Variants in ATP11B observed in about 807,000 individuals in gnomAD.
The protein encoded by ATP11B is ATPase phospholipid transporting 11B (putative), also known as phospholipid-transporting ATPase IF.
ATP11B carries 81 observed loss-of-function variants against 157.8 expected under a neutral mutation model. That is an observed-to-expected ratio of 0.51 (90% confidence interval 0.43 to 0.62). The LOEUF (loss-of-function observed/expected upper bound fraction) is 0.62, where lower values mean the gene tolerates loss of function less well. Ranked by LOEUF, ATP11B falls within the 20% of genes least tolerant of loss-of-function variation. ATP11B has a pLI of 0.00. For synonymous variants in ATP11B, 451 were observed against 469.4 expected, an observed-to-expected ratio of 0.96 and a Z score of 0.51; for missense variants, 1,165 against 1,402.2, an observed-to-expected ratio of 0.83 and a Z score of 2.70.
intron 21 of ATP11B, among the ~76,000 whole-genome samples, chr3:182,882,590 A>G (rs1003689683): frequency 1.3e-5 from 2 of 152,144 alleles, no homozygotes; most frequent in African/African-American, 4.8e-5. Context: ...GTAACTTATA[A>G]AGACCCTAAA....
rs935046000 is a variant in ATP11B, at chr3:182,837,191, A to T, written c.656+17A>T. On this transcript the variant is annotated intron_variant, in intron 7 of 29. Coordinates refer to ENST00000323116, the MANE Select transcript of ATP11B (RefSeq NM_014616.3). Reference sequence around the variant, plus strand: ...CTTATACAGGTATGGTGTGATATTCAGTATACTTATTTTAAGTCCTATTTA... The same window carrying T: ...CTTATACAGGTATGGTGTGATATTCTGTATACTTATTTTAAGTCCTATTTA... The T allele has an allele frequency of 2.9e-5, 44 of 1,523,168 alleles. No homozygotes were observed. The highest frequency in any genetic ancestry group is 3.9e-5 in the Non-Finnish European group (43 of 1,106,022). The allele number at this position is 1,523,168 out of a possible 1,614,324, so 94.4% of individuals were successfully genotyped here.
chr3:182,916,511 T>C lies in ATP11B; in HGVS notation c.3453-1512T>C, dbSNP rs912489077. ...TGCAAGCTCAGTTTCAAAGAGAGCA[T>C]CATGGTGCTATATAAAGAATATGCC... On this transcript the variant is annotated intron_variant, in intron 29 of 29. Coordinates refer to ENST00000323116, the MANE Select transcript of ATP11B (RefSeq NM_014616.3). The C allele has an allele frequency of 3.0e-5, 30 of 985,222 alleles. No individual in the cohort carries two copies. The African/African-American group carries it at 3.5e-4, about 11-fold the overall frequency. 61.0% of individuals were successfully genotyped at this position (985,222 alleles called of 1,614,324 possible). A position where few individuals can be genotyped will look rare whatever the true frequency, so the allele number is the denominator to read the frequency against.
intron 21 of ATP11B, among the ~76,000 whole-genome samples, 190 bp downstream of exon 21, chr3:182,881,171 C>T (rs1034290455): frequency 6.6e-6 from 1 of 152,182 alleles, no homozygotes; most frequent in African/African-American, 2.4e-5. Flanking sequence ...CGTGGTGGCT[C>T]ACGCCTGTAA....
At chr3:182,839,345 A>G (rs1255129661) in intron 7 of ATP11B, among the ~76,000 whole-genome samples, 1 of 152,166 alleles carries the variant, frequency 6.6e-6, no homozygotes, top group East Asian at 1.9e-4. Context: ...TTAGTACCTG[A>G]GTGACAAAAT....
rs1302173064 is a variant in ATP11B at position 182,842,002 on chromosome 3, G to C, written c.657-73G>C. ...CAAAAAAAAAAAAAAAAAAAACAAAGGATGGTGCAAAAAAACAGCCATTGA... is the reference window on the plus strand; with the variant it reads ...CAAAAAAAAAAAAAAAAAAAACAAACGATGGTGCAAAAAAACAGCCATTGA... On this transcript the variant is annotated intron_variant, in intron 7 of 29. Transcript: ENST00000323116. 3 of 691,218 alleles carry C rather than the reference G, an allele frequency of 4.3e-6. No homozygotes were observed. In the South Asian group the frequency reaches 6.6e-5, roughly 15 times the overall value. The allele number at this position is 691,218 out of a possible 1,614,324, so 42.8% of individuals were successfully genotyped here. A position where few individuals can be genotyped will look rare whatever the true frequency, so the allele number is the denominator to read the frequency against.
intron 29 of ATP11B, chr3:182,917,466 G>A (rs753157440): frequency 8.8e-5 from 87 of 985,212 alleles, no homozygotes; most frequent in Non-Finnish European, 1.0e-4. Context: ...GTAGAGGATC[G>A]TTTGTCCTTA....
chr3:182,917,813 T>C (rs2108601018), intron 29 of ATP11B: 2 of 983,852 alleles, frequency 2.0e-6, no homozygotes, highest in African/African-American at 1.7e-5. Flanking sequence ...CTAATATTTT[T>C]ATATGATGAC....
At chr3:182,872,302 C>T in intron 17 of ATP11B, 54 bp from the exon 18 acceptor site, 1 of 1,295,238 alleles carries the variant, frequency 7.7e-7, no homozygotes, top group Non-Finnish European at 1.1e-6. Context: ...TCTTGATTTT[C>T]TGTTTGTTGT....
rs112781753 is a variant in ATP11B at position 182,845,618 on chromosome 3, T to G, written c.769+96T>G. On this transcript the variant is annotated intron_variant, in intron 9 of 29. Transcript: ENST00000323116. ...ACAATGTGGTCTTTTGGTTAGATAA[T>G]TTATTAATTATTTGTCATTTATGAT... The G allele has an allele frequency of 3.2e-3, 2,316 of 734,156 alleles. 41 individuals are homozygous for G. In the African/African-American group the frequency reaches 0.037, roughly 12 times the overall value. The allele number at this position is 734,156 out of a possible 1,614,324, so 45.5% of individuals were successfully genotyped here.
At chr3:182,838,798 TATAC>T (rs1387784115) in intron 7 of ATP11B, among the ~76,000 whole-genome samples, 13 of 140,554 alleles carry the variant, frequency 9.2e-5, no homozygotes, top group African/African-American at 3.3e-4. Context: ...TATATATATA[TATAC>T]ACACACATAT....
intron 24 of ATP11B, 85 bp downstream of exon 24, chr3:182,887,798 C>A: frequency 7.3e-7 from 1 of 1,373,194 alleles, no homozygotes; most frequent in Non-Finnish European, 9.9e-7. Context: ...GTGATTAATG[C>A]TTTACTAAGG....
rs971410713 is a variant in ATP11B at position 182,793,547 on chromosome 3, C to G, written c.-213C>G. On this transcript the variant is annotated 5_prime_UTR_variant, in exon 1 of 30. Transcript: ENST00000323116. The stretch of plus-strand genomic sequence containing the variant: ...GGCGCGGCGGCAGGCTCAGCTGCGC[C>G]GGGCGGGGGCGGCGCCGGGGCCGCG... The G allele has an allele frequency of 5.6e-6, 2 of 358,918 alleles. No individual in the cohort carries two copies. The highest frequency in any genetic ancestry group is 1.3e-4 in the South Asian group (1 of 7,574). 22.2% of individuals were successfully genotyped at this position (358,918 alleles called of 1,614,324 possible). A position where few individuals can be genotyped will look rare whatever the true frequency, so the allele number is the denominator to read the frequency against.
At chr3:182,813,761 T>G (rs58290636) in intron 1 of ATP11B, among the ~76,000 whole-genome samples, 10,561 of 152,214 alleles carry the variant, frequency 0.069, 1,253 homozygotes, top group African/African-American at 0.24. Flanking sequence ...AGGGTCTTAC[T>G]CTGTTGCCCA....
rs765268658 is a variant in ATP11B, at chr3:182,873,956, A to G, written c.2193A>G (p.Glu731=). 1 of 1,614,132 alleles carries G rather than the reference A, an allele frequency of 6.2e-7. No individual in the cohort carries two copies. The highest frequency in any genetic ancestry group is 1.1e-5 in the South Asian group (1 of 91,086). The change falls in exon 19 of 30, where the codon GAA becomes GAG. Residue 731 remains glutamate (E), a synonymous_variant. Coordinates refer to ENST00000323116, the MANE Select transcript of ATP11B (RefSeq NM_014616.3). ...GHFHRTMNIL[E]LINQKSDSEC... ...TTCATAGAACCATGAACATCCTTGA[A>G]CTTATAAACCAGAAATCAGACAGCG...
At chr3:182,878,664 A>G (rs528580887) in intron 19 of ATP11B, among the ~76,000 whole-genome samples, 2 of 152,334 alleles carry the variant, frequency 1.3e-5, no homozygotes, top group South Asian at 4.1e-4. Context: ...ATATGCCCAC[A>G]TGTGAGGTGT....
intron 19 of ATP11B, among the ~76,000 whole-genome samples, chr3:182,876,997 G>A (rs952128285): frequency 2.0e-5 from 3 of 152,232 alleles, no homozygotes; most frequent in Admixed American, 6.5e-5. Context: ...AAAATCTGTC[G>A]CACAAAGAAT....
intron 7 of ATP11B, 116 bp from the exon 8 acceptor site, chr3:182,841,959 A>G (rs1477810137): frequency 1.3e-5 from 8 of 622,144 alleles, no homozygotes; most frequent in Non-Finnish European, 2.1e-5. Flanking sequence ...AGCCTAGGCG[A>G]CAGAGCAAGA....
intron 13 of ATP11B, 82 bp from the exon 14 acceptor site, chr3:182,866,186 G>A: frequency 9.4e-7 from 1 of 1,068,908 alleles, no homozygotes; most frequent in Non-Finnish European, 1.3e-6. Context: ...TCTTGTTCTA[G>A]ATCTTAGAAT....
chr3:182,863,044 G>A (rs886610519), intron 12 of ATP11B, among the ~76,000 whole-genome samples: 6 of 151,782 alleles, frequency 4.0e-5, no homozygotes, highest in African/African-American at 1.5e-4. Flanking sequence ...GCCTCTCCGA[G>A]TAGTTGGGAC....
Sources: gnomAD v4.1 joint callset for allele counts (sites outside exome capture counted in the v4.1 genomes callset) on GRCh38, gnomAD v4.1.1 for gene constraint, MANE v1.5 for transcripts, NCBI Gene and HGNC (gene_info 2026-07-23, HGNC 2026-07-21) for gene names.